STMN4: variants seen among roughly 807,000 people sequenced by gnomAD.
The protein encoded by STMN4 is stathmin 4.
In STMN4, 12 loss-of-function variants were observed where a neutral mutation model predicts 29.1. That is an observed-to-expected ratio of 0.41 (90% CI 0.26 to 0.67). The LOEUF is 0.67. Among genes scored for constraint, STMN4 ranks in the 30% least tolerant of loss-of-function variants. The pLI, the probability that STMN4 is intolerant of heterozygous loss-of-function variation, is 0.30. For synonymous variants in STMN4, 114 were observed against 105.3 expected (o/e 1.08, Z -0.51); for missense variants, 181 against 262.8 (o/e 0.69, Z 2.15).
rs765816611 is a variant in STMN4 at position 27,242,336 on chromosome 8, C to T, written c.109+61G>A. 2.6e-6 allele frequency: 4 copies of T among 1,529,392 alleles called. No homozygotes were observed. The African/African-American group carries it at 4.1e-5, about 16-fold the overall frequency. 94.7% of individuals were successfully genotyped at this position (1,529,392 alleles called of 1,614,324 possible). A position where few individuals can be genotyped will look rare whatever the true frequency, so the allele number is the denominator to read the frequency against. ...CGGGACTGGGGTCGGGGTGCAGGAC[C>T]TATGAGGACAGGACACAGGGCCCCC... On this transcript the variant is annotated intron_variant, in intron 3 of 6. Coordinates refer to ENST00000350889, the MANE Select transcript of STMN4 (RefSeq NM_030795.4).
chr8:27,257,143 A>T (rs1404220030), intron 1 of STMN4, among the ~76,000 whole-genome samples: 1 of 152,248 alleles, frequency 6.6e-6, no homozygotes, highest in Admixed American at 6.5e-5. Context: ...GGAGCTGCAG[A>T]TCAGACCTTT....
intron 1 of STMN4, among the ~76,000 whole-genome samples, chr8:27,248,725 A>T (rs1269700648): frequency 6.6e-6 from 1 of 152,212 alleles, no homozygotes; most frequent in Non-Finnish European, 1.5e-5. Context: ...GTCGTCACAC[A>T]GGTAGGTAGG....
At chr8:27,249,247 A>G (rs1033512134) in intron 1 of STMN4, among the ~76,000 whole-genome samples, 1 of 152,132 alleles carries the variant, frequency 6.6e-6, no homozygotes, top group Non-Finnish European at 1.5e-5. Context: ...AAGTGAAGAG[A>G]TCAGAGCCCT....
intron 1 of STMN4, among the ~76,000 whole-genome samples, chr8:27,246,114 C>T (rs140416599): frequency 6.6e-6 from 1 of 152,282 alleles, no homozygotes; most frequent in Non-Finnish European, 1.5e-5. Flanking sequence ...TCTCTATGGT[C>T]CTGAGGACTC....
rs755201620 is a variant in STMN4, at chr8:27,240,014, C to T, written c.548G>A (p.Arg183Lys). ...AQKMESNKEN[R>K]EAHLAAMLER... ...CAACATGGCGGCGAGGTGGGCCTCCCTGTTCTCCTTGTTGGATTCCATCTT... is the reference window on the plus strand; with the variant it reads ...CAACATGGCGGCGAGGTGGGCCTCCTTGTTCTCCTTGTTGGATTCCATCTT... The change falls in exon 6 of 7, where the codon AGG (arginine) becomes AAG (lysine). Residue 183 changes from arginine (R) to lysine (K), a missense_variant. Coordinates refer to ENST00000350889, the MANE Select transcript of STMN4 (RefSeq NM_030795.4). 1.2e-6 allele frequency: 2 copies of T among 1,614,234 alleles called. No homozygotes were observed. Among genetic ancestry groups the T allele is most frequent in the Non-Finnish European group, 1.7e-6 (2 of 1,180,040 alleles).
intron 1 of STMN4, among the ~76,000 whole-genome samples, chr8:27,246,005 C>T (rs1801614085): frequency 6.6e-6 from 1 of 152,176 alleles, no homozygotes; most frequent in Admixed American, 6.5e-5. Flanking sequence ...TAAGGTCACA[C>T]AGCTCTAAGG....
Position 27,239,821 on chromosome 8 carries a change from G to C in STMN4, c.591+150C>G, listed in dbSNP as rs551118485. 4.3e-5 allele frequency: 67 copies of C among 1,546,344 alleles called. No homozygotes were observed. The South Asian group carries it at 7.4e-4, about 17-fold the overall frequency. On this transcript the variant is annotated intron_variant, in intron 6 of 6. Coordinates refer to ENST00000350889, the MANE Select transcript of STMN4 (RefSeq NM_030795.4). ...CTCTGACTTCCCTGATCATCCTTCG[G>C]AACTCTCTAAAGATCCTGCCTAAGA...
Position 27,236,688 on chromosome 8 carries a change from TA to T in STMN4, c.*157del. 1.7e-6 allele frequency: 1 copy of T among 572,852 alleles called. No individual in the cohort carries two copies. The highest frequency in any genetic ancestry group is 2.9e-6 in the Non-Finnish European group (1 of 341,736). 35.5% of individuals were successfully genotyped at this position (572,852 alleles called of 1,614,324 possible). A position where few individuals can be genotyped will look rare whatever the true frequency, so the allele number is the denominator to read the frequency against. On this transcript the variant is annotated 3_prime_UTR_variant, in exon 7 of 7. Transcript: ENST00000350889. ...TAGGATGGCTTCACTGGTCAATTCT[TA>T]ACATGTACAAACACCAAAAGCAGAG... is the stretch of plus-strand genomic sequence containing the variant.
chr8:27,239,917 C>T (rs780436420), intron 6 of STMN4, 54 bp downstream of exon 6: 3 of 1,613,740 alleles, frequency 1.9e-6, no homozygotes, highest in Non-Finnish European at 2.5e-6. Flanking sequence ...ATACTTGCTG[C>T]AGAAGGAAAA....
At chr8:27,257,229 C>T (rs949508260) in intron 1 of STMN4, among the ~76,000 whole-genome samples, 10 of 152,118 alleles carry the variant, frequency 6.6e-5, no homozygotes, top group South Asian at 2.1e-4. Flanking sequence ...CCCTAGCACC[C>T]GCCTGTGGGA....
Position 27,240,010 on chromosome 8 carries a change from C to T in STMN4, c.552G>A (p.Glu184=), listed in dbSNP as rs1801423488. ...GTTCCAACATGGCGGCGAGGTGGGC[C>T]TCCCTGTTCTCCTTGTTGGATTCCA... The part of the protein sequence containing the change: ...QKMESNKENR[E]AHLAAMLERL... The change falls in exon 6 of 7, where the codon GAG becomes GAA. Residue 184 remains glutamate, a synonymous_variant. Coordinates refer to ENST00000350889, the MANE Select transcript of STMN4 (RefSeq NM_030795.4). 6.2e-7 allele frequency: 1 copy of T among 1,614,110 alleles called. No individual in the cohort carries two copies. The highest frequency in any genetic ancestry group is 1.7e-5 in the Admixed American group (1 of 60,006).
chr8:27,257,877 G>A (rs1021248072), intron 1 of STMN4, among the ~76,000 whole-genome samples: 4 of 152,156 alleles, frequency 2.6e-5, no homozygotes, highest in Admixed American at 1.3e-4. Context: ...AAAGTAACCC[G>A]TGCATAGAGC....
intron 1 of STMN4, among the ~76,000 whole-genome samples, 165 bp from the exon 2 acceptor site, chr8:27,243,966 C>G (rs1305617547): frequency 1.3e-5 from 2 of 152,192 alleles, no homozygotes; most frequent in Non-Finnish European, 2.9e-5. Context: ...ACCCCGACCT[C>G]CCTCCCACAA....
intron 1 of STMN4, among the ~76,000 whole-genome samples, chr8:27,254,653 T>C (rs1301659571): frequency 2.4e-5 from 2 of 81,716 alleles, no homozygotes; most frequent in South Asian, 7.5e-4. Flanking sequence ...GGGGTGGGAG[T>C]GTTCAGATGT....
At chr8:27,248,738 C>A (rs2130125118) in intron 1 of STMN4, among the ~76,000 whole-genome samples, 1 of 152,304 alleles carries the variant, frequency 6.6e-6, no homozygotes, top group South Asian at 2.1e-4. Flanking sequence ...TAGGTAGGGG[C>A]AGAGCTGGGA....
chr8:27,244,828 A>T (rs1477191683), intron 1 of STMN4, among the ~76,000 whole-genome samples: 1 of 152,106 alleles, frequency 6.6e-6, no homozygotes, highest in Non-Finnish European at 1.5e-5. Flanking sequence ...AGGTGATGGG[A>T]GCCCATGAAG....
At position 27,253,731 on chromosome 8, in the gene STMN4, AT is replaced by A. The variant is rs371945464; in HGVS notation, c.-79+4619del. ...TTTTGTATTTGATTTCTTTAATTTGATTTTTTTTTTGATTAGCTAGAGTACT... is the reference window on the plus strand; with the variant it reads ...TTTTGTATTTGATTTCTTTAATTTGATTTTTTTTTGATTAGCTAGAGTACT... On this transcript the variant is annotated intron_variant, in intron 1 of 6. Coordinates refer to ENST00000350889, the MANE Select transcript of STMN4 (RefSeq NM_030795.4). Among the ~76,000 whole-genome samples, 559 of 147,748 alleles carry A rather than the reference AT, an allele frequency of 3.8e-3. 2 individuals are homozygous for A. The highest frequency in any genetic ancestry group is 4.3e-3 in the Non-Finnish European group (286 of 66,740).
In STMN4 at chr8:27,243,713, G is replaced by A. The variant is rs564439122; in HGVS notation, c.11C>T (p.Ala4Val). The A allele has an allele frequency of 6.2e-7, 1 of 1,614,066 alleles. No individual in the cohort carries two copies. Among genetic ancestry groups the A allele is most frequent in the Admixed American group, 1.7e-5 (1 of 60,016 alleles). The change falls in exon 2 of 7, where the codon GCT becomes GTT. Residue 4 changes from alanine to valine, a missense_variant and splice_region_variant. By Grantham distance (64) the Ala-to-Val change is moderately conservative. Coordinates refer to ENST00000350889, the MANE Select transcript of STMN4 (RefSeq NM_030795.4). Reference sequence around the variant, plus strand: ...TAACACATGGTTTTTGTACCTACCAGCAAGGGTCATGTTTCTGGGATCTGG... The same window carrying A: ...TAACACATGGTTTTTGTACCTACCAACAAGGGTCATGTTTCTGGGATCTGG... MTL[A>V]AYKEKMKELP...
intron 1 of STMN4, among the ~76,000 whole-genome samples, chr8:27,249,249 C>T (rs1801716132): frequency 6.6e-6 from 1 of 152,086 alleles, no homozygotes; most frequent in African/African-American, 2.4e-5. Context: ...GTGAAGAGAT[C>T]AGAGCCCTCG....
Sources: allele counts gnomAD v4.1 joint callset (sites outside exome capture counted in the v4.1 genomes callset), GRCh38; gene constraint gnomAD v4.1.1; transcripts MANE v1.5; gene names NCBI Gene and HGNC (gene_info 2026-07-23, HGNC 2026-07-21).